ZRANB3: variants seen among roughly 807,000 people sequenced by gnomAD.
ZRANB3 encodes DNA annealing helicase and endonuclease ZRANB3.
Under a neutral mutation model 133.8 loss-of-function variants are expected in ZRANB3, and 125 were observed. That is an observed-to-expected ratio of 0.93 (90% CI 0.81 to 1.08). The LOEUF (loss-of-function observed/expected upper bound fraction) is 1.08, where lower values mean the gene tolerates loss of function less well. Among genes scored for constraint, ZRANB3 ranks in the 50% least tolerant of loss-of-function variants. The pLI is 0.00. For synonymous variants in ZRANB3, 387 were observed against 432.7 expected, an observed-to-expected ratio of 0.89 and a Z score of 1.31; for missense variants, 1,229 against 1,275.5, an observed-to-expected ratio of 0.96 and a Z score of 0.56.
At chr2:135,491,934 T>A (rs975377902) in intron 2 of ZRANB3, among the ~76,000 whole-genome samples, 1 of 152,120 alleles carries the variant, frequency 6.6e-6, no homozygotes, top group Non-Finnish European at 1.5e-5. Flanking sequence ...AAAGGCAATA[T>A]ACCAATGTCA....
intron 15 of ZRANB3, 109 bp downstream of exon 15, chr2:135,224,317 A>G: frequency 1.2e-6 from 1 of 853,828 alleles, no homozygotes; most frequent in Non-Finnish European, 1.7e-6. Flanking sequence ...CTTTGAGGAA[A>G]ATAACTAGAT....
chr2:135,354,983 A>T (rs1368296662), intron 3 of ZRANB3, among the ~76,000 whole-genome samples: 2 of 152,142 alleles, frequency 1.3e-5, no homozygotes, highest in Non-Finnish European at 2.9e-5. Context: ...AGACTAAAAG[A>T]CAGGCCCTGT....
intron 12 of ZRANB3, among the ~76,000 whole-genome samples, chr2:135,257,677 A>G (rs1679728638): frequency 1.3e-5 from 2 of 152,308 alleles, no homozygotes; most frequent in South Asian, 2.1e-4. Context: ...ATCTTAATAG[A>G]TGTTTATATA....
At chr2:135,453,546 G>A (rs1057369190) in intron 2 of ZRANB3, among the ~76,000 whole-genome samples, 7 of 151,998 alleles carry the variant, frequency 4.6e-5, no homozygotes, top group South Asian at 4.1e-4. Context: ...AATTTCTTCC[G>A]CCAGATACCC....
rs576763166 is a variant in ZRANB3, at chr2:135,230,719, G to A, written c.1748C>T (p.Ser583Leu). 1.3e-4 allele frequency: 212 copies of A among 1,612,896 alleles called. 1 individual carries two copies. In the South Asian group the frequency reaches 1.7e-3, roughly 13 times the overall value. Residue 583 changes from serine to leucine, a missense_variant, in exon 13 of 21, where the codon TCG becomes TTG. Coordinates refer to ENST00000264159, the MANE Select transcript of ZRANB3 (RefSeq NM_032143.4). ...TTCCGACGGACTGCAGTGGTCTTCC[G>A]AGGCAGCCAATTTCAATCTTTTCGT... Reference protein sequence around the residue: ...PETKRLKLAASEDHCSPSEET... With the variant: ...PETKRLKLAALEDHCSPSEET...
chr2:135,337,108 G>A (rs1019256692), intron 6 of ZRANB3, among the ~76,000 whole-genome samples: 4 of 152,146 alleles, frequency 2.6e-5, no homozygotes, highest in Non-Finnish European at 5.9e-5. Flanking sequence ...GTCAACTCTT[G>A]TATTCCTTGC....
intron 2 of ZRANB3, among the ~76,000 whole-genome samples, chr2:135,423,053 T>C (rs1029718925): frequency 6.6e-6 from 1 of 152,208 alleles, no homozygotes; most frequent in African/African-American, 2.4e-5. Context: ...CCTGGAATCC[T>C]TGGTGTTCCT....
intron 8 of ZRANB3, among the ~76,000 whole-genome samples, chr2:135,306,124 CT>C (rs1172463963): frequency 9.9e-5 from 15 of 152,256 alleles, no homozygotes; most frequent in Middle Eastern, 3.4e-3. Flanking sequence ...ACAGCTCTTG[CT>C]AGACTTGGGA....
chr2:135,499,023 T>C (rs1381114024), intron 2 of ZRANB3, among the ~76,000 whole-genome samples: 3 of 152,194 alleles, frequency 2.0e-5, no homozygotes, highest in Non-Finnish European at 4.4e-5. Flanking sequence ...TTGTGAAGCA[T>C]GGGATCTCTG....
intron 2 of ZRANB3, among the ~76,000 whole-genome samples, chr2:135,468,724 T>TATGAGAA (rs1284479851): frequency 1.3e-5 from 2 of 152,208 alleles, no homozygotes; most frequent in African/African-American, 4.8e-5. Context: ...AAGAAAGTAT[T>TATGAGAA]ATGAGAAATG....
intron 2 of ZRANB3, among the ~76,000 whole-genome samples, chr2:135,450,257 C>T (rs1243104832): frequency 4.1e-5 from 6 of 147,554 alleles, no homozygotes; most frequent in African/African-American, 1.3e-4. Flanking sequence ...CAGAGCACTC[C>T]GTCTCAAAAA....
intron 6 of ZRANB3, among the ~76,000 whole-genome samples, chr2:135,326,309 T>C (rs1423854296): frequency 6.6e-6 from 1 of 152,132 alleles, no homozygotes; most frequent in Non-Finnish European, 1.5e-5. Flanking sequence ...CATGAATAAG[T>C]TCTTTAGTGG....
At chr2:135,520,813 T>A (rs1056400341) in intron 1 of ZRANB3, among the ~76,000 whole-genome samples, 2 of 151,992 alleles carry the variant, frequency 1.3e-5, no homozygotes, top group Non-Finnish European at 2.9e-5. Context: ...GTTTTTTTTT[T>A]AATTTTTGTT....
At position 135,421,972 on chromosome 2, in the gene ZRANB3, C is replaced by T. The variant is rs1174323351; in HGVS notation, c.162-31152G>A. Among the ~76,000 whole-genome samples the T allele has an allele frequency of 2.0e-5, 3 of 146,944 alleles. No individual in the cohort carries two copies. In the Admixed American group the frequency reaches 2.1e-4, roughly 10 times the overall value. On this transcript the variant is annotated intron_variant, in intron 2 of 20. Transcript: ENST00000264159. ...ATTTCCTTCATCTCTCTACAATTTACACATGAGAACCCTATTTATTTCTAC... is the reference window on the plus strand; with the variant it reads ...ATTTCCTTCATCTCTCTACAATTTATACATGAGAACCCTATTTATTTCTAC...
At chr2:135,338,718 G>A (rs1404173840) in intron 6 of ZRANB3, among the ~76,000 whole-genome samples, 4 of 152,178 alleles carry the variant, frequency 2.6e-5, no homozygotes, top group Non-Finnish European at 5.9e-5. Flanking sequence ...TTTACAGTAA[G>A]TTCTCTACAA....
intron 15 of ZRANB3, 92 bp downstream of exon 15, chr2:135,224,334 C>G: frequency 1.0e-6 from 1 of 965,148 alleles, no homozygotes; most frequent in Non-Finnish European, 1.5e-6. Flanking sequence ...AGATGCTTAT[C>G]TCAATGTTAA....
intron 2 of ZRANB3, among the ~76,000 whole-genome samples, chr2:135,503,220 T>C (rs965644260): frequency 1.3e-5 from 2 of 152,196 alleles, no homozygotes; most frequent in Non-Finnish European, 2.9e-5. Flanking sequence ...ATCATACATA[T>C]ATTTAAGTAT....
intron 2 of ZRANB3, among the ~76,000 whole-genome samples, chr2:135,478,454 CACTG>C (rs1053919751): frequency 6.6e-5 from 10 of 152,092 alleles, no homozygotes; most frequent in African/African-American, 2.4e-4. Context: ...CTATGCTGGC[CACTG>C]ACTGACACTG....
At chr2:135,403,487 C>A (rs888093584) in intron 2 of ZRANB3, among the ~76,000 whole-genome samples, 3 of 152,226 alleles carry the variant, frequency 2.0e-5, no homozygotes, top group Admixed American at 2.0e-4. Flanking sequence ...CACTGCAGCT[C>A]AAGGAGGCCT....
Sources: gnomAD v4.1 joint callset for allele counts (sites outside exome capture counted in the v4.1 genomes callset) on GRCh38, gnomAD v4.1.1 for gene constraint, MANE v1.5 for transcripts, NCBI Gene and HGNC (gene_info 2026-07-23, HGNC 2026-07-21) for gene names.